The following PRKAR1B variants were observed in gnomAD, a reference collection of about 807,000 sequenced individuals.
The protein encoded by PRKAR1B is cAMP-dependent protein kinase type I-beta regulatory subunit.
PRKAR1B carries 22 observed loss-of-function variants against 46.5 expected under a neutral mutation model. The ratio of observed to expected loss-of-function variants is 0.47; its 90% CI spans 0.34 to 0.68. The LOEUF is 0.68. Ranked by LOEUF, PRKAR1B falls within the 30% of genes least tolerant of loss-of-function variation. PRKAR1B has a pLI of 0.01. For missense variants in PRKAR1B, 445 were observed against 535.6 expected (o/e 0.83, Z 1.67); for synonymous variants, 259 against 217.7 (o/e 1.19, Z -1.67).
rs944224952 is a variant in PRKAR1B, at chr7:652,384, G to C, written c.440+24845C>G. On this transcript the variant is annotated intron_variant, in intron 4 of 10. Transcript: ENST00000537384. The stretch of plus-strand genomic sequence containing the variant: ...GAACCTGGGGAAACCCCTCTCGGAA[G>C]ACAGTTCACACCCGTGCAGCACTAG... Among the ~76,000 whole-genome samples the C allele has an allele frequency of 2.8e-4, 40 of 142,416 alleles. 1 individual carries two copies. The highest frequency in any genetic ancestry group is 4.1e-3 in the Middle Eastern group (1 of 242). 93.4% of individuals were successfully genotyped at this position (142,416 alleles called of 152,430 possible).
chr7:691,800 C>T (rs926367337), intron 2 of PRKAR1B: 48 of 1,188,798 alleles, frequency 4.0e-5, no homozygotes, highest in Middle Eastern at 3.9e-4. Flanking sequence ...CTGCGGAGGA[C>T]GGCGCATCCC....
intron 4 of PRKAR1B, among the ~76,000 whole-genome samples, chr7:646,825 C>G (rs1438261651): frequency 6.6e-6 from 1 of 152,222 alleles, no homozygotes; most frequent in Non-Finnish European, 1.5e-5. Flanking sequence ...TTAAATTGGC[C>G]ATCCGCCCGA....
intron 5 of PRKAR1B, among the ~76,000 whole-genome samples, 157 bp downstream of exon 5, chr7:607,234 G>A (rs954461912): frequency 3.3e-5 from 5 of 151,754 alleles, no homozygotes; most frequent in South Asian, 2.1e-4. Context: ...GGCTGGTCTC[G>A]AACCCCTGAC....
At position 725,668 on chromosome 7, in the gene PRKAR1B, C is replaced by G. The variant is rs572812067; in HGVS notation, c.-23+1542G>C. Among the ~76,000 whole-genome samples the G allele has an allele frequency of 3.9e-5, 6 of 152,314 alleles. No homozygotes were observed. The South Asian group carries it at 1.2e-3, about 32-fold the overall frequency. On this transcript the variant is annotated intron_variant, in intron 1 of 10. Transcript: ENST00000537384. ...TCCTTCTTGCCTGGGGACCAGAATG[C>G]TTTTGTAAGACTAACACATGAGCCA...
intron 4 of PRKAR1B, among the ~76,000 whole-genome samples, chr7:660,684 C>T (rs1156350237): frequency 2.9e-5 from 4 of 137,610 alleles, no homozygotes; most frequent in African/African-American, 1.1e-4. Flanking sequence ...GCCACAGGTC[C>T]CCACCCCAAC....
intron 3 of PRKAR1B, among the ~76,000 whole-genome samples, chr7:679,641 G>A (rs1202530864): frequency 2.6e-5 from 4 of 152,200 alleles, no homozygotes; most frequent in Non-Finnish European, 5.9e-5. Context: ...TGGTGGTGGT[G>A]ATGATTCCAC....
Position 685,266 on chromosome 7 carries a change from A to G in PRKAR1B, c.178-4540T>C, listed in dbSNP as rs564312590. ...TATAACACGTTTTATATATACATAT[A>G]TACGTATATATACGTATATATATGT... On this transcript the variant is annotated intron_variant, in intron 2 of 10. Transcript: ENST00000537384. 5.4e-4 allele frequency among the ~76,000 whole-genome samples: 15 copies of G among 27,832 alleles called. 2 individuals are homozygous for G. The highest frequency in any genetic ancestry group is 2.5e-3 in the African/African-American group (15 of 5,910). 18.3% of individuals were successfully genotyped at this position (27,832 alleles called of 152,430 possible).
At chr7:659,397 T>C (rs1045902996) in intron 4 of PRKAR1B, among the ~76,000 whole-genome samples, 1 of 152,168 alleles carries the variant, frequency 6.6e-6, no homozygotes, top group Non-Finnish European at 1.5e-5. Context: ...AGTGGAGCAC[T>C]TCCAACTGCC....
intron 4 of PRKAR1B, among the ~76,000 whole-genome samples, chr7:617,874 G>T (rs1340827384): frequency 6.6e-6 from 1 of 152,172 alleles, no homozygotes; most frequent in African/African-American, 2.4e-5. Flanking sequence ...TCCGGGCAAA[G>T]GGCTGTATGG....
At chr7:613,795 G>A (rs1018496458) in intron 4 of PRKAR1B, among the ~76,000 whole-genome samples, 11 of 152,190 alleles carry the variant, frequency 7.2e-5, no homozygotes, top group Admixed American at 2.6e-4. Context: ...CGGGCCTCCC[G>A]AGCCAAGACA....
At chr7:604,473 T>C (rs1410283092) in intron 6 of PRKAR1B, among the ~76,000 whole-genome samples, 3 of 152,158 alleles carry the variant, frequency 2.0e-5, no homozygotes, top group Non-Finnish European at 2.9e-5. Context: ...AGAGGCCCTG[T>C]CTAGGGGCCC....
rs950132911 is a variant in PRKAR1B at position 550,137 on chromosome 7, T to A, written c.*293A>T. The A allele has an allele frequency of 2.5e-6, 1 of 393,178 alleles. No homozygotes were observed. Among genetic ancestry groups the A allele is most frequent in the African/African-American group, 2.1e-5 (1 of 47,342 alleles). The allele number at this position is 393,178 out of a possible 1,614,324, so 24.4% of individuals were successfully genotyped here. On this transcript the variant is annotated 3_prime_UTR_variant, in exon 11 of 11. Transcript: ENST00000537384. ...CTCCAGGAGACTGGCAGGGGTGGGG[T>A]GGGCCCCCCAGGAGAAGCCCACAGA...
chr7:720,337 T>C (rs34743422), intron 1 of PRKAR1B, among the ~76,000 whole-genome samples: 54,287 of 152,072 alleles, frequency 0.36, 9,815 homozygotes, highest in South Asian at 0.49. Context: ...GGATAACAGG[T>C]GTGAGCCACC....
At chr7:690,788 TA>T (rs142373589) in intron 2 of PRKAR1B, among the ~76,000 whole-genome samples, 3 of 150,596 alleles carry the variant, frequency 2.0e-5, no homozygotes, top group Non-Finnish European at 3.0e-5. Flanking sequence ...CCTGGGGCTG[TA>T]AAAAAAAACA....
chr7:615,499 G>T (rs908125288), intron 4 of PRKAR1B, among the ~76,000 whole-genome samples: 12 of 147,728 alleles, frequency 8.1e-5, no homozygotes, highest in African/African-American at 3.0e-4. Context: ...AGAAAGGAAA[G>T]GAAAGGAAAA....
intron 9 of PRKAR1B, among the ~76,000 whole-genome samples, chr7:570,987 C>T (rs1267926657): frequency 6.6e-6 from 1 of 152,236 alleles, no homozygotes; most frequent in Non-Finnish European, 1.5e-5. Flanking sequence ...GGAGAGAGGA[C>T]AGGGCGTGTC....
intron 4 of PRKAR1B, among the ~76,000 whole-genome samples, chr7:635,938 C>G (rs1418106067): frequency 6.8e-6 from 1 of 148,104 alleles, no homozygotes; most frequent in Non-Finnish European, 1.5e-5. Flanking sequence ...AGCACCGCGC[C>G]CACACATCCT....
At chr7:704,380 G>T (rs920535423) in intron 2 of PRKAR1B, among the ~76,000 whole-genome samples, 1 of 152,122 alleles carries the variant, frequency 6.6e-6, no homozygotes, top group African/African-American at 2.4e-5. Flanking sequence ...ACCACCTCAG[G>T]AATGAAATAA....
At chr7:553,528 G>A (rs1420736408) in intron 9 of PRKAR1B, among the ~76,000 whole-genome samples, 1 of 152,222 alleles carries the variant, frequency 6.6e-6, no homozygotes, top group Non-Finnish European at 1.5e-5. Flanking sequence ...CCAGGGTCCG[G>A]AGACGGCACC....
Sources: gnomAD v4.1 joint callset for allele counts (sites outside exome capture counted in the v4.1 genomes callset) on GRCh38, gnomAD v4.1.1 for gene constraint, MANE v1.5 for transcripts, NCBI Gene and HGNC (gene_info 2026-07-23, HGNC 2026-07-21) for gene names.